The following EEPD1 variants were observed in gnomAD, a reference collection of about 807,000 sequenced individuals.
EEPD1 encodes the protein endonuclease/exonuclease/phosphatase family domain-containing protein 1.
In EEPD1, 17 loss-of-function variants were observed where a neutral mutation model predicts 46.3. The observed-to-expected ratio is 0.37, with a 90% confidence interval of 0.25 to 0.55. The LOEUF is 0.55. EEPD1 is among the 20% of genes least tolerant of loss of function. The probability of loss-of-function intolerance (pLI) is 0.83; values close to 1 mark genes in which losing one functional copy is unlikely to be tolerated. For synonymous variants in EEPD1, 313 were observed against 315.6 expected (o/e 0.99, Z 0.09); for missense variants, 673 against 745.6 (o/e 0.90, Z 1.13).
Position 36,154,521 on chromosome 7 carries a change from A to T in EEPD1, c.197A>T (p.Glu66Val). Reference protein sequence around the residue: ...VTRAVARSIVEYREYIGGFKK... With the variant: ...VTRAVARSIVVYREYIGGFKK... Reference sequence around the variant, plus strand: ...CGTGCCGTGGCACGCAGCATCGTGGAGTACCGAGAGTATATCGGTGGCTTC... The same window carrying T: ...CGTGCCGTGGCACGCAGCATCGTGGTGTACCGAGAGTATATCGGTGGCTTC... The change falls in exon 2 of 8, where the codon GAG becomes GTG. Residue 66 changes from glutamate (E) to valine (V), a missense_variant. Coordinates refer to ENST00000242108, the MANE Select transcript of EEPD1 (RefSeq NM_030636.3). The surrounding 1 kb of genome is among the most constrained non-coding windows in gnomAD (Gnocchi z 4.2). The T allele has an allele frequency of 1.2e-6, 2 of 1,614,218 alleles. No homozygotes were observed. Among genetic ancestry groups the T allele is most frequent in the Non-Finnish European group, 1.7e-6 (2 of 1,180,036 alleles).
At chr7:36,191,667 C>T (rs967171609) in intron 2 of EEPD1, among the ~76,000 whole-genome samples, 4 of 152,240 alleles carry the variant, frequency 2.6e-5, no homozygotes, top group Non-Finnish European at 4.4e-5. Flanking sequence ...GATTCAGTGA[C>T]GTGTTCAGCT....
chr7:36,192,000 A>G (rs1785469130), intron 2 of EEPD1, among the ~76,000 whole-genome samples: 1 of 152,118 alleles, frequency 6.6e-6, no homozygotes, highest in Non-Finnish European at 1.5e-5. Context: ...CCTTTACAAG[A>G]GTCTTTACGA....
At chr7:36,176,699 A>AGTATATTGACTTCAGATATG (rs1372661618) in intron 2 of EEPD1, among the ~76,000 whole-genome samples, 2 of 152,238 alleles carry the variant, frequency 1.3e-5, no homozygotes, top group Non-Finnish European at 2.9e-5. Context: ...TTAAAAAGAT[A>AGTATATTGACTTCAGATATG]GTATATTGAC....
rs1784776253 is a variant in EEPD1, at chr7:36,154,267, A to C, written c.-58A>C. 8.4e-6 allele frequency: 13 copies of C among 1,539,642 alleles called. No homozygotes were observed. The highest frequency in any genetic ancestry group is 1.1e-5 in the Non-Finnish European group (13 of 1,149,214). ...GTACGGCCTACTGGGCTTCCTCCCT[A>C]GCCAGAGAGCTCTTCTGCAGTGGTG... On this transcript the variant is annotated 5_prime_UTR_variant, in exon 2 of 8. Coordinates refer to ENST00000242108, the MANE Select transcript of EEPD1 (RefSeq NM_030636.3). The surrounding 1 kb of genome is among the most constrained non-coding windows in gnomAD (Gnocchi z 4.2).
At chr7:36,287,437 C>T (rs577419488) in intron 5 of EEPD1, among the ~76,000 whole-genome samples, 1 of 152,150 alleles carries the variant, frequency 6.6e-6, no homozygotes, top group East Asian at 1.9e-4. Flanking sequence ...ACTGGTAGAA[C>T]AAAATAGGCC....
chr7:36,189,770 A>G (rs1258365782), intron 2 of EEPD1, among the ~76,000 whole-genome samples: 2 of 152,248 alleles, frequency 1.3e-5, no homozygotes, highest in African/African-American at 4.8e-5. Flanking sequence ...GATTTGGTTC[A>G]GTTCCTTTGT....
chr7:36,272,696 G>A (rs1342321456), intron 3 of EEPD1, among the ~76,000 whole-genome samples: 1 of 152,090 alleles, frequency 6.6e-6, no homozygotes, highest in Non-Finnish European at 1.5e-5. Flanking sequence ...CGGGGGCTGA[G>A]GAAATGTCTC....
At chr7:36,236,375 C>T (rs558562190) in intron 2 of EEPD1, among the ~76,000 whole-genome samples, 11 of 152,370 alleles carry the variant, frequency 7.2e-5, no homozygotes, top group Non-Finnish European at 1.5e-4. Context: ...TAGGCGCCGC[C>T]GGCCGGCACT....
At chr7:36,245,450 C>G (rs569716217) in intron 3 of EEPD1, among the ~76,000 whole-genome samples, 1 of 152,314 alleles carries the variant, frequency 6.6e-6, no homozygotes, top group South Asian at 2.1e-4. Context: ...CATAGATACA[C>G]AGAGACCCCC....
intron 2 of EEPD1, among the ~76,000 whole-genome samples, chr7:36,189,456 TATGTTATCCATA>T (rs1399529785): frequency 2.0e-5 from 3 of 152,280 alleles, no homozygotes; most frequent in Non-Finnish European, 2.9e-5. Flanking sequence ...TAAGCTTCTT[TATGTTATCCATA>T]GATACTAGTT....
intron 6 of EEPD1, among the ~76,000 whole-genome samples, chr7:36,292,364 CTTTTCTTTTG>C (rs1277468052): frequency 4.1e-5 from 6 of 146,986 alleles, no homozygotes; most frequent in African/African-American, 1.5e-4. Context: ...TTTTTCTTTT[CTTTTCTTTTG>C]TTTTGTTTTC....
intron 2 of EEPD1, among the ~76,000 whole-genome samples, chr7:36,171,013 C>T (rs562332436): frequency 5.3e-5 from 8 of 152,180 alleles, no homozygotes; most frequent in South Asian, 2.1e-4. Flanking sequence ...CCTCAAACTC[C>T]GAGGCTCAAG....
At chr7:36,157,620 C>T (rs1784845529) in intron 2 of EEPD1, among the ~76,000 whole-genome samples, 1 of 152,222 alleles carries the variant, frequency 6.6e-6, no homozygotes, top group Non-Finnish European at 1.5e-5. Context: ...TGACCCGCAC[C>T]GTCACATTCT....
rs62451588 is a variant in EEPD1, at chr7:36,153,561, A to C, written c.-306A>C. On this transcript the variant is annotated 5_prime_UTR_variant, in exon 1 of 8. Transcript: ENST00000242108. ...GCTTCCAGGGCCTGACCAGTGACCC[A>C]CACCCGCGCGGACGCCTAGGCTGGA... 1 of 152,388 alleles carries C rather than the reference A, an allele frequency of 6.6e-6. No homozygotes were observed. The highest frequency in any genetic ancestry group is 6.5e-5 in the Admixed American group (1 of 15,292). The allele number at this position is 152,388 out of a possible 1,614,324, so 9.4% of individuals were successfully genotyped here. A position where few individuals can be genotyped will look rare whatever the true frequency, so the allele number is the denominator to read the frequency against.
chr7:36,262,190 A>G (rs1225300782), intron 3 of EEPD1, among the ~76,000 whole-genome samples: 1 of 152,222 alleles, frequency 6.6e-6, no homozygotes, highest in Non-Finnish European at 1.5e-5. Flanking sequence ...TACATGCAGA[A>G]TTAGCCTGGC....
intron 6 of EEPD1, among the ~76,000 whole-genome samples, chr7:36,289,883 C>T (rs1265387935): frequency 6.6e-6 from 1 of 152,250 alleles, no homozygotes; most frequent in Non-Finnish European, 1.5e-5. Context: ...TTCTGATAGA[C>T]ACTTGGGTAG....
chr7:36,154,507 A>T lies in EEPD1; in HGVS notation c.183A>T (p.Ala61=). The change falls in exon 2 of 8, where the codon GCA becomes GCT. Residue 61 remains alanine, a synonymous_variant. Transcript: ENST00000242108. This position sits in a 1 kb window ranked among gnomAD's most constrained non-coding sequence, Gnocchi z 4.2. ...MTLPGVTRAV[A]RSIVEYREYI... ...TGCCTGGGGTGACGCGTGCCGTGGCACGCAGCATCGTGGAGTACCGAGAGT... is the reference window on the plus strand; with the variant it reads ...TGCCTGGGGTGACGCGTGCCGTGGCTCGCAGCATCGTGGAGTACCGAGAGT... 6.2e-7 allele frequency: 1 copy of T among 1,614,194 alleles called. No homozygotes were observed. Among genetic ancestry groups the T allele is most frequent in the Non-Finnish European group, 8.5e-7 (1 of 1,180,022 alleles).
At chr7:36,157,228 C>T (rs1210818471) in intron 2 of EEPD1, among the ~76,000 whole-genome samples, 1 of 152,160 alleles carries the variant, frequency 6.6e-6, no homozygotes. Flanking sequence ...TCTGCAGATA[C>T]CAAGGTACAA....
intron 3 of EEPD1, among the ~76,000 whole-genome samples, chr7:36,264,523 G>A (rs757121706): frequency 5.9e-5 from 9 of 152,194 alleles, no homozygotes; most frequent in Non-Finnish European, 1.3e-4. Flanking sequence ...AGCTGCTGTG[G>A]TTCCAAGTCA....
Sources: allele counts gnomAD v4.1 joint callset (sites outside exome capture counted in the v4.1 genomes callset), GRCh38; gene constraint gnomAD v4.1.1; non-coding constraint Gnocchi (gnomAD v3.1); transcripts MANE v1.5; gene names NCBI Gene and HGNC (gene_info 2026-07-23, HGNC 2026-07-21).